Variants in PCP4 observed in about 807,000 individuals in gnomAD.
PCP4 encodes calmodulin regulator protein PCP4.
PCP4 carries 8 observed loss-of-function variants against 10.0 expected under a neutral mutation model. The observed-to-expected ratio is 0.80, with a 90% confidence interval of 0.47 to 1.45. PCP4 has a LOEUF of 1.45. Ranked by LOEUF, PCP4 falls within the 40% of genes most tolerant of loss-of-function variation. The pLI is 0.00. For synonymous variants in PCP4, 21 were observed against 23.0 expected (o/e 0.91, Z 0.24); for missense variants, 54 against 74.4 (o/e 0.73, Z 1.01).
intron 1 of PCP4, among the ~76,000 whole-genome samples, chr21:39,892,134 G>A (rs1046174353): frequency 1.3e-5 from 2 of 152,218 alleles, no homozygotes; most frequent in East Asian, 3.9e-4. Context: ...TGATCAAGGA[G>A]CCCTCAAGCG....
intron 1 of PCP4, among the ~76,000 whole-genome samples, chr21:39,886,791 A>G (rs376073350): frequency 2.0e-5 from 3 of 152,358 alleles, no homozygotes; most frequent in South Asian, 2.1e-4. Context: ...GAAATTATAT[A>G]TATGGCATGT....
intron 2 of PCP4, among the ~76,000 whole-genome samples, chr21:39,908,410 T>C (rs1490557344): frequency 6.6e-6 from 1 of 152,070 alleles, no homozygotes; most frequent in Admixed American, 6.5e-5. Context: ...GATACAGAGC[T>C]GTTCACACCT....
intron 1 of PCP4, among the ~76,000 whole-genome samples, chr21:39,870,674 A>G (rs2087315213): frequency 6.6e-6 from 1 of 152,240 alleles, no homozygotes; most frequent in Admixed American, 6.5e-5. Flanking sequence ...GTTGGAAGGC[A>G]TAAGGACAAA....
At chr21:39,867,634 T>G in intron 1 of PCP4, 124 bp downstream of exon 1, 1 of 970,992 alleles carries the variant, frequency 1.0e-6, no homozygotes. Flanking sequence ...CTGTAATTAT[T>G]TGCTTGGAGA....
chr21:39,926,112 C>T (rs2087620109), intron 2 of PCP4: 1 of 455,682 alleles, frequency 2.2e-6, no homozygotes, highest in Admixed American at 2.4e-5. Context: ...CCTGCCACTC[C>T]TCTAACAGCA....
chr21:39,909,804 T>TC (rs1445066356), intron 2 of PCP4, among the ~76,000 whole-genome samples: 4 of 151,234 alleles, frequency 2.6e-5, no homozygotes, highest in African/African-American at 7.3e-5. Flanking sequence ...TCTTTTCTTT[T>TC]TTTTTTTTGA....
chr21:39,928,249 T>C (rs1014190701), intron 2 of PCP4, among the ~76,000 whole-genome samples: 2 of 152,140 alleles, frequency 1.3e-5, no homozygotes, highest in Admixed American at 6.5e-5. Context: ...CTGAAGAATT[T>C]TATTGATTTA....
At chr21:39,925,338 G>C (rs558055914) in intron 2 of PCP4, among the ~76,000 whole-genome samples, 1 of 152,170 alleles carries the variant, frequency 6.6e-6, no homozygotes, top group Non-Finnish European at 1.5e-5. Context: ...GGAGGGTACC[G>C]TGCTTGTTTA....
chr21:39,898,319 C>G, intron 1 of PCP4, 157 bp from the exon 2 acceptor site: 1 of 738,368 alleles, frequency 1.4e-6, no homozygotes, highest in Non-Finnish European at 2.5e-6. Context: ...TTGGTGGATC[C>G]ATTCCTACTC....
chr21:39,922,965 C>T (rs2299796), intron 2 of PCP4, among the ~76,000 whole-genome samples: 26 of 152,054 alleles, frequency 1.7e-4, no homozygotes, highest in African/African-American at 5.8e-4. Context: ...GGTTTCCCCT[C>T]GTCTTCTAGT....
intron 2 of PCP4, among the ~76,000 whole-genome samples, chr21:39,923,489 T>G (rs1162234613): frequency 3.9e-5 from 6 of 152,190 alleles, no homozygotes; most frequent in African/African-American, 9.7e-5. Context: ...TCTAGTTAGT[T>G]TTTGTACTAA....
intron 1 of PCP4, among the ~76,000 whole-genome samples, chr21:39,873,001 C>T (rs2087327756): frequency 6.6e-6 from 1 of 152,156 alleles, no homozygotes; most frequent in Non-Finnish European, 1.5e-5. Flanking sequence ...GACCTCTTGA[C>T]ATTTGGGAAA....
intron 2 of PCP4, among the ~76,000 whole-genome samples, chr21:39,918,259 A>T (rs2087578687): frequency 6.6e-6 from 1 of 152,196 alleles, no homozygotes; most frequent in Admixed American, 6.5e-5. Flanking sequence ...GGAAGATCTG[A>T]TCTCATTAGT....
chr21:39,908,562 C>T (rs531213344), intron 2 of PCP4, among the ~76,000 whole-genome samples: 1 of 152,124 alleles, frequency 6.6e-6, no homozygotes, highest in Non-Finnish European at 1.5e-5. Flanking sequence ...AGCCACACAC[C>T]CACAGACTGT....
chr21:39,900,052 G>C (rs2087475499), intron 2 of PCP4, among the ~76,000 whole-genome samples: 1 of 151,852 alleles, frequency 6.6e-6, no homozygotes, highest in African/African-American at 2.4e-5. Flanking sequence ...ACTTTTTTTT[G>C]AGACAGAGTT....
chr21:39,895,066 C>T (rs1458855061), intron 1 of PCP4, among the ~76,000 whole-genome samples: 1 of 151,792 alleles, frequency 6.6e-6, no homozygotes, highest in Non-Finnish European at 1.5e-5. Flanking sequence ...CATTCATCCA[C>T]ACACCCATTC....
chr21:39,911,616 C>T (rs904146786), intron 2 of PCP4, among the ~76,000 whole-genome samples: 1 of 152,240 alleles, frequency 6.6e-6, no homozygotes, highest in Admixed American at 6.5e-5. Context: ...CTGGTACCAA[C>T]CAAGCACTAG....
chr21:39,876,957 T>A (rs935575896), intron 1 of PCP4, among the ~76,000 whole-genome samples: 5 of 152,186 alleles, frequency 3.3e-5, no homozygotes, highest in African/African-American at 9.7e-5. Context: ...CACTTAGAAT[T>A]CAGGGAATCA....
intron 1 of PCP4, among the ~76,000 whole-genome samples, chr21:39,881,058 G>C (rs1248651650): frequency 1.3e-5 from 2 of 152,070 alleles, no homozygotes; most frequent in Non-Finnish European, 2.9e-5. Context: ...TCTGCGGGGA[G>C]CATCTGATCA....
Sources: gnomAD v4.1 joint callset for allele counts (sites outside exome capture counted in the v4.1 genomes callset) on GRCh38, gnomAD v4.1.1 for gene constraint, MANE v1.5 for transcripts, NCBI Gene and HGNC (gene_info 2026-07-23, HGNC 2026-07-21) for gene names.